The following NOX5 variants were observed in gnomAD, a reference collection of about 807,000 sequenced individuals.
The protein encoded by NOX5 is NADPH oxidase 5.
A neutral mutation model predicts 85.7 loss-of-function variants in NOX5; 76 were observed. The ratio of observed to expected loss-of-function variants is 0.89; its 90% CI spans 0.74 to 1.07. The LOEUF is 1.07. Ranked by LOEUF, NOX5 falls within the 50% of genes least tolerant of loss-of-function variation. The pLI, the probability that NOX5 is intolerant of heterozygous loss-of-function variation, is 0.00. For missense variants in NOX5, 973 were observed against 999.5 expected (o/e 0.97, Z 0.36); for synonymous variants, 405 against 401.4 (o/e 1.01, Z -0.11).
intron 1 of NOX5, among the ~76,000 whole-genome samples, chr15:69,017,310 C>G (rs1313558247): frequency 6.6e-6 from 1 of 152,028 alleles, no homozygotes; most frequent in African/African-American, 2.4e-5. Flanking sequence ...TGCCACCACA[C>G]CAGGCTAATT....
intron 10 of NOX5, among the ~76,000 whole-genome samples, chr15:69,044,470 G>C (rs2050637549): frequency 6.6e-6 from 1 of 152,060 alleles, no homozygotes; most frequent in Admixed American, 6.5e-5. Context: ...TTTCAGAGAG[G>C]GTGGTTGTTC....
intron 14 of NOX5, among the ~76,000 whole-genome samples, chr15:69,052,024 C>A (rs971839411): frequency 2.0e-5 from 3 of 151,980 alleles, no homozygotes; most frequent in African/African-American, 7.3e-5. Context: ...CCAGCCTGGG[C>A]AACACAGGCA....
chr15:69,032,711 C>T, intron 4 of NOX5, among the ~76,000 whole-genome samples: 1 of 152,152 alleles, frequency 6.6e-6, no homozygotes, highest in East Asian at 1.9e-4. Flanking sequence ...GCACTGGGCA[C>T]CTACCTGCCT....
chr15:69,033,008 C>T lies in NOX5; in HGVS notation c.621-35C>T, dbSNP rs1207375390. ...AAGACACAGGTGGTCCCCGCCCCAC[C>T]GCTCGCCTCTGAGCGGAACCCGCCT... On this transcript the variant is annotated intron_variant, in intron 4 of 15. Coordinates refer to ENST00000388866, the MANE Select transcript of NOX5 (RefSeq NM_024505.4). 5 of 1,526,752 alleles carry T rather than the reference C, an allele frequency of 3.3e-6. No individual in the cohort carries two copies. The African/African-American group carries it at 4.4e-5, about 13-fold the overall frequency. The allele number at this position is 1,526,752 out of a possible 1,614,324, so 94.6% of individuals were successfully genotyped here.
chr15:69,056,466 C>G (rs1595794096), intron 15 of NOX5, 99 bp from the exon 16 acceptor site: 1 of 1,483,560 alleles, frequency 6.7e-7, no homozygotes, highest in East Asian at 2.3e-5. Flanking sequence ...CTCATTGCTG[C>G]CGACCCGTTA....
intron 3 of NOX5, 22 bp downstream of exon 3, chr15:69,028,387 G>A (rs2050387188): frequency 6.4e-7 from 1 of 1,566,228 alleles, no homozygotes; most frequent in African/African-American, 1.4e-5. Context: ...TCCTGGGTGT[G>A]GGCTGGGGTG....
chr15:69,018,273 C>T (rs1479000156), intron 1 of NOX5, among the ~76,000 whole-genome samples: 1 of 152,004 alleles, frequency 6.6e-6, no homozygotes, highest in Non-Finnish European at 1.5e-5. Context: ...GGACCGGGTA[C>T]TTGCTCAGGC....
At chr15:69,027,263 C>T (rs150060168) in intron 2 of NOX5, among the ~76,000 whole-genome samples, 61 of 152,236 alleles carry the variant, frequency 4.0e-4, no homozygotes, top group African/African-American at 1.4e-3. Flanking sequence ...TCTAACGCCA[C>T]GCCTCCTTTC....
intron 11 of NOX5, 70 bp from the exon 12 acceptor site, chr15:69,047,343 A>C: frequency 6.7e-7 from 1 of 1,485,016 alleles, no homozygotes; most frequent in South Asian, 1.4e-5. Context: ...AGCCCTGGGG[A>C]CATCCCCTGG....
intron 14 of NOX5, among the ~76,000 whole-genome samples, chr15:69,051,384 T>C (rs561737334): frequency 2.6e-5 from 4 of 152,068 alleles, no homozygotes; most frequent in Non-Finnish European, 5.9e-5. Context: ...TTTACGGCAA[T>C]GTAAATTTTT....
chr15:69,020,025 T>C (rs975356165), intron 1 of NOX5, among the ~76,000 whole-genome samples: 3 of 152,244 alleles, frequency 2.0e-5, no homozygotes, highest in Admixed American at 6.5e-5. Context: ...CTCTTATGAA[T>C]TGTCCTTTTA....
In NOX5 at chr15:69,060,314, C is replaced by T. The variant is rs530483608; in HGVS notation, c.*3618C>T. 19 of 152,340 alleles carry T rather than the reference C, an allele frequency of 1.2e-4. No homozygotes were observed. The highest frequency in any genetic ancestry group is 2.6e-4 in the African/African-American group (11 of 41,554). The allele number at this position is 152,340 out of a possible 1,614,324, so 9.4% of individuals were successfully genotyped here. On this transcript the variant is annotated 3_prime_UTR_variant, in exon 16 of 16. Transcript: ENST00000388866. ...GTAGGGAGGGATGAGGAACATTAGC[C>T]GAGACTGGCTCTGGGCCAACCTGTT... is the stretch of plus-strand genomic sequence containing the variant.
rs758389674 is a variant in NOX5 at position 69,048,998 on chromosome 15, G to T, written c.1939G>T (p.Glu647Ter). ...IWINRDQRSF[E>*]WFVSLLTKLE... ...GATCAACAGAGACCAGCGGTCTTTC[G>T]AGTGGTTTGTGAGCCTGCTGACTAA... Residue 647 changes from glutamate (E) to a stop codon, truncating the protein, a stop_gained, in exon 14 of 16, where the codon GAG (glutamate) becomes TAG (stop). Transcript: ENST00000388866. LOFTEE classifies it high-confidence loss of function. 1 of 1,612,946 alleles carries T rather than the reference G, an allele frequency of 6.2e-7. No homozygotes were observed. The highest frequency in any genetic ancestry group is 1.1e-5 in the South Asian group (1 of 90,580).
At chr15:69,024,018 C>CA (rs1415556449) in intron 1 of NOX5, 1 of 156,040 alleles carries the variant, frequency 6.4e-6, no homozygotes, top group African/African-American at 2.4e-5. Context: ...AAATAGTAAA[C>CA]AATACTGTGG....
At chr15:69,041,496 G>A (rs957673899) in intron 9 of NOX5, among the ~76,000 whole-genome samples, 2 of 152,314 alleles carry the variant, frequency 1.3e-5, no homozygotes, top group Non-Finnish European at 1.5e-5. Flanking sequence ...AACCCCAGGA[G>A]CATTAATGAT....
intron 14 of NOX5, among the ~76,000 whole-genome samples, chr15:69,052,253 C>G (rs2050758610): frequency 6.6e-6 from 1 of 151,982 alleles, no homozygotes; most frequent in Non-Finnish European, 1.5e-5. Context: ...GAATGTCCTC[C>G]CCTCAACCTC....
At chr15:69,054,372 TC>T (rs750253805) in intron 14 of NOX5, among the ~76,000 whole-genome samples, 3 of 152,270 alleles carry the variant, frequency 2.0e-5, no homozygotes, top group East Asian at 3.9e-4. Flanking sequence ...CCAGTCTCCT[TC>T]CCCATCTCTT....
At chr15:69,019,355 G>C (rs1467105449) in intron 1 of NOX5, among the ~76,000 whole-genome samples, 1 of 152,170 alleles carries the variant, frequency 6.6e-6, no homozygotes, top group Non-Finnish European at 1.5e-5. Context: ...GGAAAGTTCT[G>C]TATCTTGACT....
chr15:69,028,144 GAC>G, intron 2 of NOX5, 69 bp from the exon 3 acceptor site: 7 of 1,494,442 alleles, frequency 4.7e-6, no homozygotes, highest in Non-Finnish European at 6.3e-6. Flanking sequence ...GACACAGGGA[GAC>G]AGTGAACAAA....
Sources: allele counts gnomAD v4.1 joint callset (sites outside exome capture counted in the v4.1 genomes callset), GRCh38; gene constraint gnomAD v4.1.1; transcripts MANE v1.5; gene names NCBI Gene and HGNC (gene_info 2026-07-23, HGNC 2026-07-21).